The following FSTL4 variants were observed in gnomAD, a reference collection of about 807,000 sequenced individuals.
The protein encoded by FSTL4 is follistatin-related protein 4.
A neutral mutation model predicts 78.2 loss-of-function variants in FSTL4; 28 were observed. The observed-to-expected ratio is 0.36, with a 90% CI of 0.27 to 0.49. The LOEUF (loss-of-function observed/expected upper bound fraction) is 0.49, where lower values mean the gene tolerates loss of function less well. Among genes scored for constraint, FSTL4 ranks in the 20% least tolerant of loss-of-function variants. The pLI is 0.98. For missense variants in FSTL4, 922 were observed against 1,084.9 expected, an observed-to-expected ratio of 0.85 and a Z score of 2.11; for synonymous variants, 422 against 440.5, an observed-to-expected ratio of 0.96 and a Z score of 0.53.
chr5:133,269,917 C>T (rs879414542), intron 6 of FSTL4: 4 of 152,234 alleles, frequency 2.6e-5, no homozygotes, highest in African/African-American at 9.6e-5. Context: ...TATCCAGTTC[C>T]GATGGAAGCC....
At chr5:133,833,179 T>C in the FSTL4 span, among the ~76,000 whole-genome samples, 1 of 152,172 alleles carries the variant, frequency 6.6e-6, no homozygotes, top group Non-Finnish European at 1.5e-5. Flanking sequence ...CACAGTCAGT[T>C]CCCAGCAGAC....
the FSTL4 span, among the ~76,000 whole-genome samples, chr5:133,796,581 A>T: frequency 6.6e-6 from 1 of 151,994 alleles, no homozygotes; most frequent in South Asian, 2.1e-4. Flanking sequence ...CCAGCAGCCA[A>T]ATCCCTCTCC....
intron 11 of FSTL4, chr5:133,221,113 C>G: frequency 1.7e-6 from 1 of 585,906 alleles, no homozygotes; most frequent in South Asian, 1.9e-5. Flanking sequence ...CCTAAGTCAT[C>G]TAGAGTTGGC....
At chr5:133,604,298 T>A (rs189041692) in intron 1 of FSTL4, among the ~76,000 whole-genome samples, 257 of 152,288 alleles carry the variant, frequency 1.7e-3, no homozygotes, top group Non-Finnish European at 2.9e-3. Flanking sequence ...TACCGTTACA[T>A]CTATAAGAAC....
In FSTL4 at chr5:133,394,367, C is replaced by T. The variant is rs142902179; in HGVS notation, c.409+6371G>A. On this transcript the variant is annotated intron_variant, in intron 4 of 15. Coordinates refer to ENST00000265342, the MANE Select transcript of FSTL4 (RefSeq NM_015082.2). ...GGAGGTGTGGAGGGAGAGGCACCGGCGGGAACTGGGGCTGCGTGTGACGCT... is the reference window on the plus strand; with the variant it reads ...GGAGGTGTGGAGGGAGAGGCACCGGTGGGAACTGGGGCTGCGTGTGACGCT... Among the ~76,000 whole-genome samples the T allele has an allele frequency of 2.3e-3, 354 of 152,286 alleles. 2 individuals are homozygous for T. Among genetic ancestry groups the T allele is most frequent in the Non-Finnish European group, 4.2e-3 (287 of 68,004 alleles).
At chr5:133,718,395 T>C in the FSTL4 span, among the ~76,000 whole-genome samples, 1 of 152,214 alleles carries the variant, frequency 6.6e-6, no homozygotes, top group East Asian at 1.9e-4. Flanking sequence ...CTTTTCATTG[T>C]AGCTACTCTA....
At chr5:133,347,285 TCA>T in intron 4 of FSTL4, among the ~76,000 whole-genome samples, 1 of 152,334 alleles carries the variant, frequency 6.6e-6, no homozygotes, top group Non-Finnish European at 1.5e-5. Flanking sequence ...CACAGCAGGC[TCA>T]GTTTAGTATG....
At chr5:133,336,061 G>A (rs371793693) in intron 4 of FSTL4, among the ~76,000 whole-genome samples, 1 of 152,172 alleles carries the variant, frequency 6.6e-6, no homozygotes, top group Non-Finnish European at 1.5e-5. Context: ...TTACTACCGG[G>A]ACTTACTGTA....
chr5:133,263,810 A>G (rs1752587603), intron 6 of FSTL4, among the ~76,000 whole-genome samples: 1 of 152,110 alleles, frequency 6.6e-6, no homozygotes, highest in South Asian at 2.1e-4. Flanking sequence ...TACAAGAGAG[A>G]GAAGGGAGAA....
chr5:133,332,014 G>A (rs1385201799), intron 4 of FSTL4, among the ~76,000 whole-genome samples: 2 of 152,206 alleles, frequency 1.3e-5, no homozygotes, highest in Admixed American at 6.5e-5. Flanking sequence ...GAGCTGATGC[G>A]CAGGCTGTGG....
chr5:133,736,683 C>T, the FSTL4 span, among the ~76,000 whole-genome samples: 1 of 152,128 alleles, frequency 6.6e-6, no homozygotes, highest in Non-Finnish European at 1.5e-5. Context: ...AGACATGAGA[C>T]AAGCTGAGGA....
intron 4 of FSTL4, among the ~76,000 whole-genome samples, chr5:133,330,992 A>AG (rs367902003): frequency 1.3e-5 from 2 of 152,298 alleles, no homozygotes; most frequent in East Asian, 1.9e-4. Flanking sequence ...GGTCAAAAAC[A>AG]GGGGGGCAGG....
At chr5:133,736,816 G>A in the FSTL4 span, among the ~76,000 whole-genome samples, 1 of 152,144 alleles carries the variant, frequency 6.6e-6, no homozygotes, top group Non-Finnish European at 1.5e-5. Context: ...TTTGCAGATG[G>A]ACTGCAGCCT....
the FSTL4 span, among the ~76,000 whole-genome samples, chr5:133,795,014 T>A: frequency 0.98 from 149,919 of 152,334 alleles, 73,814 homozygotes; most frequent in Middle Eastern, 1. Flanking sequence ...AAGGTTTTCA[T>A]AACCAGAAGA....
the FSTL4 span, among the ~76,000 whole-genome samples, chr5:133,820,762 A>G: frequency 6.6e-6 from 1 of 152,226 alleles, no homozygotes; most frequent in Admixed American, 6.5e-5. Flanking sequence ...AGCAGAAACC[A>G]ACTGTTTGTG....
chr5:133,627,333 C>G, the FSTL4 span, among the ~76,000 whole-genome samples: 2 of 152,080 alleles, frequency 1.3e-5, no homozygotes, highest in African/African-American at 4.8e-5. Context: ...TCTTACATAG[C>G]AGCAGACAAG....
chr5:133,443,293 A>G (rs1184915765), intron 3 of FSTL4, among the ~76,000 whole-genome samples: 4 of 152,238 alleles, frequency 2.6e-5, no homozygotes, highest in African/African-American at 4.8e-5. Context: ...CGATTCCTCT[A>G]ATTTGCCTTA....
At chr5:133,690,568 A>T in the FSTL4 span, among the ~76,000 whole-genome samples, 1 of 152,232 alleles carries the variant, frequency 6.6e-6, no homozygotes, top group Non-Finnish European at 1.5e-5. Context: ...GCCTGCATGC[A>T]TATAGGACCC....
At chr5:133,434,304 A>C (rs192116270) in intron 3 of FSTL4, among the ~76,000 whole-genome samples, 61 of 152,334 alleles carry the variant, frequency 4.0e-4, no homozygotes, top group Admixed American at 3.0e-3. Context: ...TTCAGAGAGA[A>C]TAACTCCACA....
Sources: gnomAD v4.1 joint callset for allele counts (sites outside exome capture counted in the v4.1 genomes callset) on GRCh38, gnomAD v4.1.1 for gene constraint, MANE v1.5 for transcripts, NCBI Gene and HGNC (gene_info 2026-07-23, HGNC 2026-07-21) for gene names.